The following BPNT2 variants were observed in gnomAD, a reference collection of about 807,000 sequenced individuals.
BPNT2 encodes Golgi-resident adenosine 3',5'-bisphosphate 3'-phosphatase.
In BPNT2, 11 loss-of-function variants were observed where a neutral mutation model predicts 29.3. The ratio of observed to expected loss-of-function variants is 0.38; its 90% CI spans 0.24 to 0.62. BPNT2 has a LOEUF of 0.62. Among genes scored for constraint, BPNT2 ranks in the 20% least tolerant of loss-of-function variants. The pLI is 0.62. For synonymous variants in BPNT2, 195 were observed against 187.7 expected (o/e 1.04, Z -0.32); for missense variants, 459 against 473.4 (o/e 0.97, Z 0.28).
chr8:56,963,934 C>T lies in BPNT2; in HGVS notation c.939G>A (p.Gly313=), dbSNP rs112201304. 3.4e-4 allele frequency: 554 copies of T among 1,613,984 alleles called. 2 individuals carry two copies. The African/African-American group carries it at 6.2e-3, about 18-fold the overall frequency. ...AGNAILKALG[G]HMTTLSGEEI... The stretch of plus-strand genomic sequence containing the variant: ...CTTCACCACTCAGGGTAGTCATATG[C>T]CCCCCTAGGGCTTTTAAGATGGCAT... Residue 313 remains glycine (G), a synonymous_variant, in exon 5 of 5, where the codon GGG becomes GGA. Transcript: ENST00000262644.
Position 56,963,515 on chromosome 8 carries a change from TAC to T in BPNT2, c.*276_*277del, listed in dbSNP as rs1805879105. 1 of 401,894 alleles carries T rather than the reference TAC, an allele frequency of 2.5e-6. No individual in the cohort carries two copies. The highest frequency in any genetic ancestry group is 3.5e-5 in the South Asian group (1 of 28,480). 24.9% of individuals were successfully genotyped at this position (401,894 alleles called of 1,614,324 possible). A position where few individuals can be genotyped will look rare whatever the true frequency, so the allele number is the denominator to read the frequency against. On this transcript the variant is annotated 3_prime_UTR_variant, in exon 5 of 5. Transcript: ENST00000262644. Reference sequence around the variant, plus strand: ...TGACTCATAACAATGTAGACTCAGCTACAGATTTTAATTCACAAATATATATA... The same window carrying T: ...TGACTCATAACAATGTAGACTCAGCTAGATTTTAATTCACAAATATATATA...
intron 1 of BPNT2, among the ~76,000 whole-genome samples, chr8:56,990,779 G>C (rs939541648): frequency 2.6e-5 from 4 of 152,124 alleles, no homozygotes; most frequent in Non-Finnish European, 5.9e-5. Flanking sequence ...ACTGTCTCCA[G>C]TTGAGTGCTC....
chr8:56,967,116 T>C (rs1344380830), intron 3 of BPNT2: 2 of 456,050 alleles, frequency 4.4e-6, no homozygotes, highest in Non-Finnish European at 8.8e-6. Context: ...TTACTCAGAA[T>C]TATCCCAATT....
At chr8:56,986,582 T>C (rs1806329690) in intron 1 of BPNT2, among the ~76,000 whole-genome samples, 2 of 152,188 alleles carry the variant, frequency 1.3e-5, no homozygotes, top group South Asian at 2.1e-4. Flanking sequence ...TGAGAAGCAT[T>C]TGTACTGCAT....
chr8:56,967,825 A>G (rs1464994764), intron 3 of BPNT2, among the ~76,000 whole-genome samples: 1 of 152,142 alleles, frequency 6.6e-6, no homozygotes, highest in Non-Finnish European at 1.5e-5. Flanking sequence ...AAGAAAGAAG[A>G]GCTCTGAAAA....
chr8:56,977,996 A>G, intron 3 of BPNT2, 54 bp downstream of exon 3: 1 of 1,089,498 alleles, frequency 9.2e-7, no homozygotes, highest in Non-Finnish European at 1.4e-6. Context: ...AGTAAATACT[A>G]TAGACAAACA....
chr8:56,987,122 C>T (rs1210604449), intron 1 of BPNT2, among the ~76,000 whole-genome samples: 1 of 152,142 alleles, frequency 6.6e-6, no homozygotes, highest in African/African-American at 2.4e-5. Flanking sequence ...CATTAGTATG[C>T]TAGTTCAGTT....
chr8:56,971,484 T>C (rs540238417), intron 3 of BPNT2, among the ~76,000 whole-genome samples: 21 of 152,102 alleles, frequency 1.4e-4, no homozygotes, highest in South Asian at 4.1e-4. Context: ...TTTTGGAGAT[T>C]TGTGACGATT....
Position 56,960,009 on chromosome 8 carries a change from A to C in BPNT2, c.*3784T>G, listed in dbSNP as rs1805803990. On this transcript the variant is annotated 3_prime_UTR_variant, in exon 5 of 5. Transcript: ENST00000262644. Reference sequence around the variant, plus strand: ...TTTTGTAGGCATATAAATACATCTTAAATTCAATCAAGATCTAAAATGAAA... The same window carrying C: ...TTTTGTAGGCATATAAATACATCTTCAATTCAATCAAGATCTAAAATGAAA... 1 of 152,238 alleles carries C rather than the reference A, an allele frequency of 6.6e-6. No homozygotes were observed. Among genetic ancestry groups the C allele is most frequent in the Admixed American group, 6.5e-5 (1 of 15,282 alleles). 9.4% of individuals were successfully genotyped at this position (152,238 alleles called of 1,614,324 possible).
intron 3 of BPNT2, among the ~76,000 whole-genome samples, chr8:56,973,231 C>A (rs1009387393): frequency 8.5e-5 from 13 of 152,076 alleles, no homozygotes; most frequent in African/African-American, 3.1e-4. Flanking sequence ...GAGTTCAACA[C>A]TAAAAGCATC....
At chr8:56,972,502 C>G (rs1806056366) in intron 3 of BPNT2, among the ~76,000 whole-genome samples, 1 of 151,766 alleles carries the variant, frequency 6.6e-6, no homozygotes, top group African/African-American at 2.4e-5. Flanking sequence ...AAAACCTTAA[C>G]ACTTTTTAAT....
In BPNT2 at chr8:56,992,929, G is replaced by A. The variant is rs553981574; in HGVS notation, c.387+270C>T. Among the ~76,000 whole-genome samples the A allele has an allele frequency of 5.9e-5, 9 of 152,212 alleles. No homozygotes were observed. The East Asian group carries it at 7.8e-4, about 13-fold the overall frequency. Reference sequence around the variant, plus strand: ...GCTGCGGGTGCAATTAACTTTGTCAGCCTTTTCGTTTCAAGGCCTTCTGAT... The same window carrying A: ...GCTGCGGGTGCAATTAACTTTGTCAACCTTTTCGTTTCAAGGCCTTCTGAT... On this transcript the variant is annotated intron_variant, in intron 1 of 4. Transcript: ENST00000262644.
Position 56,964,469 on chromosome 8 carries a change from T to TTTTTGTA in BPNT2, c.809-412_809-406dup, listed in dbSNP as rs551718016. On this transcript the variant is annotated intron_variant, in intron 4 of 4. Transcript: ENST00000262644. ...GCGTGCCACCATGCCCTGCTAAATT[T>TTTTTGTA]TTTTGTATTTTTTAGTAGAGACAGG... 1.1e-3 allele frequency: 185 copies of TTTTTGTA among 167,374 alleles called. 2 individuals are homozygous for TTTTTGTA. The East Asian group carries it at 0.031, about 28-fold the overall frequency. 10.4% of individuals were successfully genotyped at this position (167,374 alleles called of 1,614,324 possible).
At chr8:56,967,793 T>C (rs573330765) in intron 3 of BPNT2, among the ~76,000 whole-genome samples, 1 of 152,110 alleles carries the variant, frequency 6.6e-6, no homozygotes, top group Non-Finnish European at 1.5e-5. Flanking sequence ...AGGGGCTTTA[T>C]TGAAACAAGG....
chr8:56,963,511 C>T lies in BPNT2; in HGVS notation c.*282G>A, dbSNP rs911382827. On this transcript the variant is annotated 3_prime_UTR_variant, in exon 5 of 5. Coordinates refer to ENST00000262644, the MANE Select transcript of BPNT2 (RefSeq NM_017813.5). ...ATGGTGACTCATAACAATGTAGACT[C>T]AGCTACAGATTTTAATTCACAAATA... 2.6e-6 allele frequency: 1 copy of T among 389,122 alleles called. No homozygotes were observed. The highest frequency in any genetic ancestry group is 4.1e-5 in the Admixed American group (1 of 24,118). The allele number at this position is 389,122 out of a possible 1,614,324, so 24.1% of individuals were successfully genotyped here. A position where few individuals can be genotyped will look rare whatever the true frequency, so the allele number is the denominator to read the frequency against.
rs567356359 is a variant in BPNT2, at chr8:56,993,153, G to A, written c.387+46C>T. The A allele has an allele frequency of 1.9e-6, 3 of 1,568,158 alleles. No homozygotes were observed. In the South Asian group the frequency reaches 3.4e-5, roughly 18 times the overall value. The stretch of plus-strand genomic sequence containing the variant: ...ATACTGTTAAGAGTCGACGGGCCGA[G>A]ACGCGCTACCCGGCTCGAGTGGGCG... On this transcript the variant is annotated intron_variant, in intron 1 of 4. Coordinates refer to ENST00000262644, the MANE Select transcript of BPNT2 (RefSeq NM_017813.5).
Position 56,985,432 on chromosome 8 carries a change from C to T in BPNT2, c.388-5235G>A, listed in dbSNP as rs1806312519. On this transcript the variant is annotated intron_variant, in intron 1 of 4. Transcript: ENST00000262644. ...GAAATCAACCCAAGCTCCAAAAACCCATACCTACTAACAGCCCTGGCCAAT... is the reference window on the plus strand; with the variant it reads ...GAAATCAACCCAAGCTCCAAAAACCTATACCTACTAACAGCCCTGGCCAAT... 2.0e-5 allele frequency among the ~76,000 whole-genome samples: 3 copies of T among 152,240 alleles called. No homozygotes were observed. The South Asian group carries it at 6.2e-4, about 32-fold the overall frequency.
rs1490105778 is a variant in BPNT2 at position 56,962,993 on chromosome 8, A to G, written c.*800T>C. The G allele has an allele frequency of 6.6e-6, 1 of 152,208 alleles. No homozygotes were observed. The highest frequency in any genetic ancestry group is 2.4e-5 in the African/African-American group (1 of 41,456). The allele number at this position is 152,208 out of a possible 1,614,324, so 9.4% of individuals were successfully genotyped here. On this transcript the variant is annotated 3_prime_UTR_variant, in exon 5 of 5. Transcript: ENST00000262644. ...TGCTAACCCTGAAACCTTAAACCGAACCTTACAAAGTTAAAGACTAAGTGT... is the reference window on the plus strand; with the variant it reads ...TGCTAACCCTGAAACCTTAAACCGAGCCTTACAAAGTTAAAGACTAAGTGT...
In BPNT2 at chr8:56,962,303, G is replaced by T. The variant is rs1299940462; in HGVS notation, c.*1490C>A. 6.6e-6 allele frequency: 1 copy of T among 152,188 alleles called. No homozygotes were observed. Among genetic ancestry groups the T allele is most frequent in the East Asian group, 1.9e-4 (1 of 5,198 alleles). The allele number at this position is 152,188 out of a possible 1,614,324, so 9.4% of individuals were successfully genotyped here. A position where few individuals can be genotyped will look rare whatever the true frequency, so the allele number is the denominator to read the frequency against. On this transcript the variant is annotated 3_prime_UTR_variant, in exon 5 of 5. Coordinates refer to ENST00000262644, the MANE Select transcript of BPNT2 (RefSeq NM_017813.5). Reference sequence around the variant, plus strand: ...GGACAATGTAACATACAAACCTAAAGTATGCACATTCCACCAGGCTAGAAC... The same window carrying T: ...GGACAATGTAACATACAAACCTAAATTATGCACATTCCACCAGGCTAGAAC...
Sources: allele counts gnomAD v4.1 joint callset (sites outside exome capture counted in the v4.1 genomes callset), GRCh38; gene constraint gnomAD v4.1.1; transcripts MANE v1.5; gene names NCBI Gene and HGNC (gene_info 2026-07-23, HGNC 2026-07-21).